The following SEC23B variants were observed in gnomAD, a reference collection of about 807,000 sequenced individuals.
SEC23B encodes SEC23 homolog B, COPII component.
SEC23B carries 77 observed loss-of-function variants against 104.3 expected under a neutral mutation model. The observed-to-expected ratio is 0.74, with a 90% confidence interval of 0.61 to 0.89. The LOEUF is 0.89. SEC23B is among the 40% of genes least tolerant of loss of function. The pLI, the probability that SEC23B is intolerant of heterozygous loss-of-function variation, is 0.00. For synonymous variants in SEC23B, 338 were observed against 332.5 expected (o/e 1.02, Z -0.18); for missense variants, 885 against 949.4 (o/e 0.93, Z 0.89).
In SEC23B at chr20:18,556,055, C is replaced by T. The variant is rs577643593; in HGVS notation, c.2214+882C>T. Among the ~76,000 whole-genome samples, 47 of 151,858 alleles carry T rather than the reference C, an allele frequency of 3.1e-4. No individual in the cohort carries two copies. In the South Asian group the frequency reaches 5.8e-3, roughly 19 times the overall value. The stretch of plus-strand genomic sequence containing the variant: ...GCATGCAACCTAGATCCCTCACATG[C>T]GTTGTTCACAATAGGGTTTGCACTC... On this transcript the variant is annotated intron_variant, in intron 19 of 19. Coordinates refer to ENST00000650089, the MANE Select transcript of SEC23B (RefSeq NM_006363.6).
chr20:18,542,249 T>G (rs759711431), intron 12 of SEC23B, 47 bp from the exon 13 acceptor site: 2 of 1,519,694 alleles, frequency 1.3e-6, no homozygotes, highest in Non-Finnish European at 9.1e-7. Context: ...GTGACCGTGT[T>G]TGAGTTGCGC....
In SEC23B at chr20:18,555,112, G is replaced by A. The variant is rs1443733304; in HGVS notation, c.2153G>A (p.Arg718Gln). 5 of 1,613,116 alleles carry A rather than the reference G, an allele frequency of 3.1e-6. No individual in the cohort carries two copies. Among genetic ancestry groups the A allele is most frequent in the Non-Finnish European group, 3.4e-6 (4 of 1,179,400 alleles). The stretch of plus-strand genomic sequence containing the variant: ...TTGTTGTTGTTGTTGTTAAAGGCTC[G>A]ATTCCTTTTGTCCAAAGTGAACCCA... ...INTEHGGSQA[R>Q]FLLSKVNPSQ... Residue 718 changes from arginine to glutamine, a missense_variant, in exon 19 of 20, where the codon CGA becomes CAA. Arg to Gln is a conservative substitution (Grantham distance 43, BLOSUM62 1). Transcript: ENST00000650089.
intron 11 of SEC23B, among the ~76,000 whole-genome samples, chr20:18,535,210 A>T (rs1200384384): frequency 8.1e-6 from 1 of 123,164 alleles, no homozygotes; most frequent in African/African-American, 3.1e-5. Context: ...CCCCCCACAC[A>T]CACGTAGTAT....
At chr20:18,529,939 T>A (rs1408146872) in intron 9 of SEC23B, among the ~76,000 whole-genome samples, 1 of 152,226 alleles carries the variant, frequency 6.6e-6, no homozygotes, top group African/African-American at 2.4e-5. Context: ...TGCTTTTCTG[T>A]CCAAATGCAT....
intron 19 of SEC23B, among the ~76,000 whole-genome samples, chr20:18,556,000 A>G (rs1186014354): frequency 6.6e-6 from 1 of 151,360 alleles, no homozygotes; most frequent in Non-Finnish European, 1.5e-5. Context: ...AGACGGTGAC[A>G]GATCATCAGG....
chr20:18,556,225 GC>G (rs752225740), intron 19 of SEC23B, among the ~76,000 whole-genome samples: 2 of 152,094 alleles, frequency 1.3e-5, no homozygotes, highest in East Asian at 1.9e-4. Flanking sequence ...TTCCTAACAG[GC>G]CAAGGACTGG....
At chr20:18,526,881 A>G (rs1290811947) in intron 8 of SEC23B, among the ~76,000 whole-genome samples, 1 of 152,220 alleles carries the variant, frequency 6.6e-6, no homozygotes, top group Non-Finnish European at 1.5e-5. Context: ...GGAGTTCAAG[A>G]CCAGCCTAGC....
chr20:18,554,405 T>C lies in SEC23B; in HGVS notation c.2148+15T>C. On this transcript the variant is annotated intron_variant, in intron 18 of 19. Coordinates refer to ENST00000650089, the MANE Select transcript of SEC23B (RefSeq NM_006363.6). ...GAGGCAGTCAGGTGAGTGAGCTGAG[T>C]TCTAACTCCAGTGGTTTGTTCGTTT... The C allele has an allele frequency of 6.2e-7, 1 of 1,614,018 alleles. No individual in the cohort carries two copies. The highest frequency in any genetic ancestry group is 8.5e-7 in the Non-Finnish European group (1 of 1,179,896).
chr20:18,543,106 G>T lies in SEC23B; in HGVS notation c.1599G>T (p.Val533=). Residue 533 remains valine (V), a synonymous_variant, in exon 14 of 20, where the codon GTG becomes GTT. Transcript: ENST00000650089. ...AAAVLMARLG[V]FRAESEEGPD... ...CAGTGTTGATGGCACGGCTTGGGGT[G>T]TTCCGAGCGGAGTCAGAGGAGGGGC... The T allele has an allele frequency of 6.2e-7, 1 of 1,614,188 alleles. No homozygotes were observed. Among genetic ancestry groups the T allele is most frequent in the Non-Finnish European group, 8.5e-7 (1 of 1,180,036 alleles).
At chr20:18,508,047 G>C (rs1017336036) in intron 1 of SEC23B, 75 bp downstream of exon 1, 1 of 152,682 alleles carries the variant, frequency 6.5e-6, no homozygotes, top group African/African-American at 2.4e-5. Flanking sequence ...GTTTCTGCCG[G>C]GGGCGAGGTG....
intron 12 of SEC23B, among the ~76,000 whole-genome samples, chr20:18,541,065 T>C (rs139063181): frequency 1.3e-5 from 2 of 152,370 alleles, no homozygotes; most frequent in Admixed American, 1.3e-4. Context: ...CAGCAGTTTC[T>C]ACATCAGCAC....
At chr20:18,524,852 C>A in intron 5 of SEC23B, 83 bp from the exon 6 acceptor site, 1 of 1,474,900 alleles carries the variant, frequency 6.8e-7, no homozygotes, top group Non-Finnish European at 9.4e-7. Context: ...GCCACCACAC[C>A]CAGCTGAGGA....
chr20:18,526,031 A>G (rs2060131021), intron 7 of SEC23B, 99 bp downstream of exon 7: 3 of 1,346,110 alleles, frequency 2.2e-6, no homozygotes, highest in South Asian at 2.4e-5. Flanking sequence ...ATCTAAGTCA[A>G]CCGTCTGTGT....
At chr20:18,519,341 G>A (rs569430140) in intron 4 of SEC23B, among the ~76,000 whole-genome samples, 3 of 152,276 alleles carry the variant, frequency 2.0e-5, no homozygotes, top group East Asian at 3.9e-4. Flanking sequence ...TGAAGGAGCC[G>A]GGGAGCAGAA....
intron 12 of SEC23B, 23 bp from the exon 13 acceptor site, chr20:18,542,273 G>A (rs1358515496): frequency 3.1e-6 from 5 of 1,605,580 alleles, no homozygotes; most frequent in Non-Finnish European, 4.3e-6. Context: ...TAACAGACAA[G>A]GTTATGGCCT....
At chr20:18,512,848 G>T (rs548084987) in intron 3 of SEC23B, among the ~76,000 whole-genome samples, 1 of 151,976 alleles carries the variant, frequency 6.6e-6, no homozygotes, top group East Asian at 1.9e-4. Context: ...TCAAGAAATC[G>T]AGACCATTCT....
intron 9 of SEC23B, among the ~76,000 whole-genome samples, chr20:18,529,859 C>T (rs1168293601): frequency 2.0e-5 from 3 of 152,298 alleles, no homozygotes; most frequent in Admixed American, 2.0e-4. Context: ...GATGATCTTT[C>T]TTGTGTTCTT....
At chr20:18,535,784 T>C (rs766632119) in intron 12 of SEC23B, 42 bp downstream of exon 12, 4 of 1,457,270 alleles carry the variant, frequency 2.7e-6, no homozygotes, top group African/African-American at 2.8e-5. Context: ...CTTAGTGTCC[T>C]GTTTTGTGAT....
chr20:18,514,255 G>T (rs1203795174), intron 3 of SEC23B, among the ~76,000 whole-genome samples: 1 of 152,164 alleles, frequency 6.6e-6, no homozygotes, highest in Non-Finnish European at 1.5e-5. Context: ...CGTCTCCTTT[G>T]CTCCCTTCTG....
Sources: gnomAD v4.1 joint callset for allele counts (sites outside exome capture counted in the v4.1 genomes callset) on GRCh38, gnomAD v4.1.1 for gene constraint, MANE v1.5 for transcripts, NCBI Gene and HGNC (gene_info 2026-07-23, HGNC 2026-07-21) for gene names.